Variants in CLSTN3 observed in about 807,000 individuals in gnomAD.
CLSTN3 encodes the protein calsyntenin-3.
A neutral mutation model predicts 95.9 loss-of-function variants in CLSTN3; 36 were observed. The observed-to-expected ratio is 0.38, with a 90% CI of 0.29 to 0.50. The LOEUF is 0.50. Ranked by LOEUF, CLSTN3 falls within the 20% of genes least tolerant of loss-of-function variation. The pLI is 0.95. For missense variants in CLSTN3, 1,084 were observed against 1,268.8 expected, an observed-to-expected ratio of 0.85 and a Z score of 2.21; for synonymous variants, 481 against 504.0, an observed-to-expected ratio of 0.95 and a Z score of 0.61.
In CLSTN3 at chr12:7,150,978, C is replaced by T; in HGVS notation, c.2442C>T (p.Leu814=). 6.2e-7 allele frequency: 1 copy of T among 1,613,416 alleles called. No individual in the cohort carries two copies. Among genetic ancestry groups the T allele is most frequent in the South Asian group, 1.1e-5 (1 of 90,952 alleles). Residue 814 remains leucine, a synonymous_variant, in exon 16 of 18, where the codon CTC becomes CTT. Transcript: ENST00000266546. The surrounding 1 kb of genome is among the most constrained non-coding windows in gnomAD (Gnocchi z 4.0). The part of the protein sequence containing the change: ...MNRVAHPSHV[L]SSQQFLHRGH... ...GGGTTGCCCACCCCAGCCACGTGCT[C>T]AGCTCCCAGCAGTTCCTGCACCGTG...
upstream of CLSTN3, chr12:7,129,474 A>T: frequency 3.3e-6 from 1 of 305,280 alleles, no homozygotes; most frequent in Non-Finnish European, 4.8e-6. The surrounding 1 kb of genome is among the most constrained non-coding windows in gnomAD (Gnocchi z 5.5). Flanking sequence ...AGGGGTGCTG[A>T]GTTCAAAGTC....
In CLSTN3 at chr12:7,140,851, G is replaced by A. The variant is rs545441106; in HGVS notation, c.1324-391G>A. 2.0e-5 allele frequency among the ~76,000 whole-genome samples: 3 copies of A among 152,302 alleles called. No individual in the cohort carries two copies. The South Asian group carries it at 6.2e-4, about 32-fold the overall frequency. On this transcript the variant is annotated intron_variant, in intron 8 of 17. Coordinates refer to ENST00000266546, the MANE Select transcript of CLSTN3 (RefSeq NM_014718.4). ...GAGCCGAGGGGTTTGAGGCTTCAGT[G>A]GGCTATGATTGCACCACTGCACTCC... is the stretch of plus-strand genomic sequence containing the variant.
Position 7,135,392 on chromosome 12 carries a change from A to G in CLSTN3, c.449A>G (p.Tyr150Cys). 1 of 1,614,122 alleles carries G rather than the reference A, an allele frequency of 6.2e-7. No homozygotes were observed. Among genetic ancestry groups the G allele is most frequent in the Non-Finnish European group, 8.5e-7 (1 of 1,180,002 alleles). The change falls in exon 4 of 18, where the codon TAT (tyrosine) becomes TGT (cysteine). Residue 150 changes from tyrosine (Y) to cysteine (C), a missense_variant. Transcript: ENST00000266546. ...EFAPVFVERL[Y>C]RAAVTEGKLY... is the part of the protein sequence containing the mutation. Reference sequence around the variant, plus strand: ...GCCCCAGTGTTTGTGGAACGGCTGTATCGTGCGGCTGTGACAGAGGGGAAG... The same window carrying G: ...GCCCCAGTGTTTGTGGAACGGCTGTGTCGTGCGGCTGTGACAGAGGGGAAG...
Position 7,143,243 on chromosome 12 carries a change from G to T in CLSTN3, c.1779G>T (p.Val593=). The T allele has an allele frequency of 6.2e-7, 1 of 1,613,850 alleles. No homozygotes were observed. Residue 593 remains valine (V), a synonymous_variant, in exon 12 of 18, where the codon GTG becomes GTT. Coordinates refer to ENST00000266546, the MANE Select transcript of CLSTN3 (RefSeq NM_014718.4). ...CCTTCAACCATGCCCTGCAGCATGT[G>T]GCTTACATGAACACTCTGCGCTTTG... is the stretch of plus-strand genomic sequence containing the variant. ...VETFNHALQH[V]AYMNTLRFAT...
intron 10 of CLSTN3, 115 bp from the exon 11 acceptor site, chr12:7,142,736 GGTTTCCACATTTCTCCTT>G: frequency 9.1e-6 from 1 of 109,736 alleles, no homozygotes; most frequent in Non-Finnish European, 1.6e-5. Flanking sequence ...TTTTTTTTTT[GGTTTCCACATTTCTCCTT>G]TTTTTCTTTC....
At chr12:7,131,392 AG>A in intron 1 of CLSTN3, 1 of 222,294 alleles carries the variant, frequency 4.5e-6, no homozygotes. Context: ...AGGAAAGGGC[AG>A]AAGTGGGTGT....
rs1010711908 is a variant in CLSTN3 at position 7,157,826 on chromosome 12, G to A, written c.2731-115G>A. On this transcript the variant is annotated intron_variant, in intron 17 of 17. Transcript: ENST00000266546. The surrounding 1 kb of genome is among the most constrained non-coding windows in gnomAD (Gnocchi z 5.9). The stretch of plus-strand genomic sequence containing the variant: ...GTGAGCCGGAGGGAGAGAGGTTCAG[G>A]CAGGGAAGGGGGTACACAGGGGTTA... 1 of 1,501,496 alleles carries A rather than the reference G, an allele frequency of 6.7e-7. No homozygotes were observed. Among genetic ancestry groups the A allele is most frequent in the Non-Finnish European group, 8.9e-7 (1 of 1,117,576 alleles). 93.0% of individuals were successfully genotyped at this position (1,501,496 alleles called of 1,614,324 possible).
rs367939912 is a variant in CLSTN3 at position 7,142,935 on chromosome 12, G to A, written c.1607G>A (p.Arg536His). 24 of 1,613,964 alleles carry A rather than the reference G, an allele frequency of 1.5e-5. No homozygotes were observed. Among genetic ancestry groups the A allele is most frequent in the Middle Eastern group, 1.6e-4 (1 of 6,082 alleles). The change falls in exon 11 of 18, where the codon CGC becomes CAC. Residue 536 changes from arginine (R) to histidine (H), a missense_variant. By Grantham distance (29) the Arg-to-His change is conservative (BLOSUM62 0). Coordinates refer to ENST00000266546, the MANE Select transcript of CLSTN3 (RefSeq NM_014718.4). ...YLAGFSVRSGRLESREVIECL... is the reference protein window; with the variant it reads ...YLAGFSVRSGHLESREVIECL... ...GCTGGTTTCAGCGTGCGCTCAGGTC[G>A]CCTGGAGAGCCGCGAGGTCATCGAG...
rs778909907 is a variant in CLSTN3 at position 7,135,856 on chromosome 12, G to A, written c.645G>A (p.Lys215=). The part of the protein sequence containing the change: ...KLQYSGERLY[K]FTVTAYDCGK... ...AGTACAGTGGTGAGAGGCTCTATAAGTTTACAGTGACAGCTTATGACTGTG... is the reference window on the plus strand; with the variant it reads ...AGTACAGTGGTGAGAGGCTCTATAAATTTACAGTGACAGCTTATGACTGTG... The change falls in exon 5 of 18, where the codon AAG becomes AAA. Residue 215 remains lysine, a synonymous_variant. Coordinates refer to ENST00000266546, the MANE Select transcript of CLSTN3 (RefSeq NM_014718.4). The A allele has an allele frequency of 6.2e-7, 1 of 1,614,020 alleles. No individual in the cohort carries two copies. Among genetic ancestry groups the A allele is most frequent in the Non-Finnish European group, 8.5e-7 (1 of 1,179,934 alleles).
chr12:7,141,501 C>G lies in CLSTN3; in HGVS notation c.1486+97C>G. The stretch of plus-strand genomic sequence containing the variant: ...AGTCTGACCCAGCAGCTGAGGCCGC[C>G]TCCTGCATCTCTCTGCAGCTGTGCA... On this transcript the variant is annotated intron_variant, in intron 9 of 17. Transcript: ENST00000266546. This position sits in a 1 kb window ranked among gnomAD's most constrained non-coding sequence, Gnocchi z 4.1. The G allele has an allele frequency of 8.0e-7, 1 of 1,250,012 alleles. No homozygotes were observed. Among genetic ancestry groups the G allele is most frequent in the East Asian group, 2.3e-5 (1 of 43,216 alleles). The allele number at this position is 1,250,012 out of a possible 1,614,324, so 77.4% of individuals were successfully genotyped here.
In CLSTN3 at chr12:7,137,182, G is replaced by A; in HGVS notation, c.1210+72G>A. Reference sequence around the variant, plus strand: ...TGTCCCGCCTCTGTCACTGCCCAGTGTGTGACTGTGAACAGGTCACTTCCC... The same window carrying A: ...TGTCCCGCCTCTGTCACTGCCCAGTATGTGACTGTGAACAGGTCACTTCCC... On this transcript the variant is annotated intron_variant, in intron 7 of 17. Transcript: ENST00000266546. This position sits in a 1 kb window ranked among gnomAD's most constrained non-coding sequence, Gnocchi z 4.4. 2.7e-6 allele frequency: 4 copies of A among 1,479,956 alleles called. No homozygotes were observed. Among genetic ancestry groups the A allele is most frequent in the Non-Finnish European group, 2.7e-6 (3 of 1,094,564 alleles). 91.7% of individuals were successfully genotyped at this position (1,479,956 alleles called of 1,614,324 possible).
At chr12:7,156,125 C>A in intron 16 of CLSTN3, 1 of 366,918 alleles carries the variant, frequency 2.7e-6, no homozygotes, top group South Asian at 2.0e-5. Flanking sequence ...TTGGGGCACA[C>A]ATACATGGAA....
At position 7,158,068 on chromosome 12, in the gene CLSTN3, C is replaced by A. The variant is rs1056519342; in HGVS notation, c.2858C>A (p.Pro953Gln). The stretch of plus-strand genomic sequence containing the variant: ...GAGAGACGCATCATCGAGACCCCCC[C>A]ACACCGCTACTAAGGCCTACACCTC... ...SDERRIIETP[P>Q]HRY Residue 953 changes from proline (P) to glutamine (Q), a missense_variant, in exon 18 of 18, where the codon CCA becomes CAA. Pro to Gln is a moderately conservative substitution (Grantham distance 76). Coordinates refer to ENST00000266546, the MANE Select transcript of CLSTN3 (RefSeq NM_014718.4). 6 of 1,534,910 alleles carry A rather than the reference C, an allele frequency of 3.9e-6. No individual in the cohort carries two copies. Among genetic ancestry groups the A allele is most frequent in the Non-Finnish European group, 5.3e-6 (6 of 1,137,256 alleles).
intron 12 of CLSTN3, among the ~76,000 whole-genome samples, chr12:7,145,655 G>A (rs1287957858): frequency 6.6e-6 from 1 of 150,600 alleles, no homozygotes; most frequent in Non-Finnish European, 1.5e-5. Flanking sequence ...CTCTAGTTTT[G>A]TCCTCTTTCC....
chr12:7,150,970 C>T lies in CLSTN3; in HGVS notation c.2434C>T (p.His812Tyr). The change falls in exon 16 of 18, where the codon CAC becomes TAC. Residue 812 changes from histidine (H) to tyrosine (Y), a missense_variant. Coordinates refer to ENST00000266546, the MANE Select transcript of CLSTN3 (RefSeq NM_014718.4). The surrounding 1 kb of genome is among the most constrained non-coding windows in gnomAD (Gnocchi z 4.0). ...CATGAACCGGGTTGCCCACCCCAGCCACGTGCTCAGCTCCCAGCAGTTCCT... is the reference window on the plus strand; with the variant it reads ...CATGAACCGGGTTGCCCACCCCAGCTACGTGCTCAGCTCCCAGCAGTTCCT... ...HSMNRVAHPSHVLSSQQFLHR... is the reference protein window; with the variant it reads ...HSMNRVAHPSYVLSSQQFLHR... 1.2e-6 allele frequency: 2 copies of T among 1,613,044 alleles called. No individual in the cohort carries two copies. Among genetic ancestry groups the T allele is most frequent in the Non-Finnish European group, 1.7e-6 (2 of 1,179,354 alleles).
Position 7,131,235 on chromosome 12 carries a change from CTGGG to C in CLSTN3, c.64+524_64+527del, listed in dbSNP as rs1187257183. ...ATTCAGACCCTTTTGCCTGCATCAG[CTGGG>C]CTGTGGGTTACCAGAGCTGCCCTCT... On this transcript the variant is annotated intron_variant, in intron 1 of 17. Coordinates refer to ENST00000266546, the MANE Select transcript of CLSTN3 (RefSeq NM_014718.4). 15 of 221,538 alleles carry C rather than the reference CTGGG, an allele frequency of 6.8e-5. No individual in the cohort carries two copies. In the Admixed American group the frequency reaches 7.3e-4, roughly 11 times the overall value. The allele number at this position is 221,538 out of a possible 1,614,324, so 13.7% of individuals were successfully genotyped here.
Position 7,158,377 on chromosome 12 carries a change from C to T in CLSTN3, c.*296C>T, listed in dbSNP as rs893018259. ...GCCTTTCTACCCCCAATGGCAGCTG[C>T]CCCCTTAGCACTCACTGTGTTGGGG... On this transcript the variant is annotated 3_prime_UTR_variant, in exon 18 of 18. Transcript: ENST00000266546. The T allele has an allele frequency of 3.1e-5, 9 of 290,036 alleles. No homozygotes were observed. The East Asian group carries it at 5.6e-4, about 18-fold the overall frequency. 18.0% of individuals were successfully genotyped at this position (290,036 alleles called of 1,614,324 possible).
chr12:7,148,156 A>AAAAGGAAG, intron 12 of CLSTN3, among the ~76,000 whole-genome samples: 1 of 135,504 alleles, frequency 7.4e-6, no homozygotes, highest in Admixed American at 7.8e-5. Context: ...AACTCCATCA[A>AAAAGGAAG]AAAGAAAGAA....
In CLSTN3 at chr12:7,139,461, G is replaced by T. The variant is rs1167749206; in HGVS notation, c.1323+1394G>T. 3.9e-5 allele frequency among the ~76,000 whole-genome samples: 6 copies of T among 152,158 alleles called. No homozygotes were observed. The East Asian group carries it at 9.6e-4, about 24-fold the overall frequency. ...TTCCAAGCATGGAAAGAGGGCCAGT[G>T]CGGTTGGAGTACAGTGAACAAGACT... On this transcript the variant is annotated intron_variant, in intron 8 of 17. Coordinates refer to ENST00000266546, the MANE Select transcript of CLSTN3 (RefSeq NM_014718.4).
Sources: allele counts gnomAD v4.1 joint callset (sites outside exome capture counted in the v4.1 genomes callset), GRCh38; gene constraint gnomAD v4.1.1; non-coding constraint Gnocchi (gnomAD v3.1); transcripts MANE v1.5; gene names NCBI Gene and HGNC (gene_info 2026-07-23, HGNC 2026-07-21).